The following EXPH5 variants were observed in gnomAD, a reference collection of about 807,000 sequenced individuals.
EXPH5 encodes the protein exophilin-5.
A neutral mutation model predicts 41.1 loss-of-function variants in EXPH5; 42 were observed. The ratio of observed to expected loss-of-function variants is 1.02; its 90% CI spans 0.80 to 1.32. The LOEUF is 1.32. Ranked by LOEUF, EXPH5 falls within the 40% of genes most tolerant of loss-of-function variation. The pLI is 0.00. For synonymous variants in EXPH5, 798 were observed against 833.5 expected, an observed-to-expected ratio of 0.96 and a Z score of 0.73; for missense variants, 2,298 against 2,314.5, an observed-to-expected ratio of 0.99 and a Z score of 0.15.
chr11:108,557,639 C>T (rs1393233322), intron 1 of EXPH5, among the ~76,000 whole-genome samples: 2 of 152,106 alleles, frequency 1.3e-5, no homozygotes, highest in South Asian at 2.1e-4. Flanking sequence ...CGAGCCACTG[C>T]GCCTGGCCCT....
At position 108,506,672 on chromosome 11, in the gene EXPH5, G is replaced by C. The variant is rs2093645540; in HGVS notation, c.*2865C>G. On this transcript the variant is annotated 3_prime_UTR_variant, in exon 6 of 6. Transcript: ENST00000265843. ...AAATTGCATAGAAAATGTAGGTCAT[G>C]GTTTATTAAAGTTTTACTTAAATAA... 6.6e-6 allele frequency: 1 copy of C among 152,068 alleles called. No homozygotes were observed. The highest frequency in any genetic ancestry group is 2.4e-5 in the African/African-American group (1 of 41,406). 9.4% of individuals were successfully genotyped at this position (152,068 alleles called of 1,614,324 possible). A position where few individuals can be genotyped will look rare whatever the true frequency, so the allele number is the denominator to read the frequency against.
intron 4 of EXPH5, among the ~76,000 whole-genome samples, chr11:108,523,460 G>C (rs948608618): frequency 2.0e-5 from 3 of 152,028 alleles, no homozygotes; most frequent in Admixed American, 6.6e-5. Flanking sequence ...TCTTCAGTTA[G>C]ATGGTAAACT....
intron 3 of EXPH5, among the ~76,000 whole-genome samples, chr11:108,529,978 A>C (rs189099317): frequency 6.6e-6 from 1 of 152,342 alleles, no homozygotes; most frequent in East Asian, 1.9e-4. Context: ...CAGATCAATT[A>C]AAAGTGGCAA....
chr11:108,516,498 T>C (rs1193920440), intron 5 of EXPH5, among the ~76,000 whole-genome samples: 1 of 152,126 alleles, frequency 6.6e-6, no homozygotes, highest in Non-Finnish European at 1.5e-5. Flanking sequence ...ACCCACTCTA[T>C]AATAGATATA....
intron 1 of EXPH5, among the ~76,000 whole-genome samples, 184 bp from the exon 2 acceptor site, chr11:108,541,996 G>A (rs980158826): frequency 2.2e-4 from 33 of 152,034 alleles, no homozygotes; most frequent in Admixed American, 4.6e-4. Context: ...TCCCACCTCA[G>A]CTTCCCAAGT....
chr11:108,590,589 C>T (rs966537453), intron 1 of EXPH5, among the ~76,000 whole-genome samples: 1 of 152,110 alleles, frequency 6.6e-6, no homozygotes, highest in African/African-American at 2.4e-5. Flanking sequence ...TACCCTCACA[C>T]CTATCTCAGA....
Position 108,511,715 on chromosome 11 carries a change from G to T in EXPH5, c.3792C>A (p.Phe1264Leu). The T allele has an allele frequency of 1.9e-6, 3 of 1,608,360 alleles. No individual in the cohort carries two copies. Among genetic ancestry groups the T allele is most frequent in the South Asian group, 1.1e-5 (1 of 89,572 alleles). ...YTLPRKPSKK[F>L]CNLLQQYTQN... ...GTGTATACTGTTGAAGGAGGTTACA[G>T]AATTTTTTGCTGGGTTTCCTCGGTA... The change falls in exon 6 of 6, where the codon TTC becomes TTA. Residue 1264 changes from phenylalanine (F) to leucine (L), a missense_variant. Transcript: ENST00000265843.
In EXPH5 at chr11:108,562,926, A is replaced by T. The variant is rs139198723; in HGVS notation, c.120-21114T>A. ...TTAAAGCAGTAGTCACAGGACTAGG[A>T]CTCTGACTCAGTTTTAGCTAAAGCA... On this transcript the variant is annotated intron_variant, in intron 1 of 5. Transcript: ENST00000265843. 1.1e-3 allele frequency among the ~76,000 whole-genome samples: 167 copies of T among 152,374 alleles called. 4 individuals are homozygous for T. In the South Asian group the frequency reaches 0.019, roughly 18 times the overall value.
chr11:108,594,501 C>G (rs1323999998), upstream of EXPH5, among the ~76,000 whole-genome samples: 1 of 152,186 alleles, frequency 6.6e-6, no homozygotes, highest in South Asian at 2.1e-4. Flanking sequence ...TCCTATGAAG[C>G]CACAGAAATA....
rs2093689843 is a variant in EXPH5, at chr11:108,512,531, T to C, written c.2976A>G (p.Ile992Met). 1.2e-6 allele frequency: 2 copies of C among 1,612,922 alleles called. No homozygotes were observed. Among genetic ancestry groups the C allele is most frequent in the Non-Finnish European group, 1.7e-6 (2 of 1,179,794 alleles). Residue 992 changes from isoleucine (I) to methionine (M), a missense_variant, in exon 6 of 6, where the codon ATA becomes ATG. Transcript: ENST00000265843. ...CIEKLSKTES[I>M]SVPTSDHRSL... ...TCCTGTGATCACTGGTGGGTACTGA[T>C]ATACTTTCTGTTTTGCTTAACTTTT...
chr11:108,515,614 AGAAGGTTGGTC>A (rs2093719921), intron 5 of EXPH5, among the ~76,000 whole-genome samples: 13 of 152,338 alleles, frequency 8.5e-5, no homozygotes, highest in African/African-American at 2.9e-4. Flanking sequence ...ACACAAACTT[AGAAGGTTGGTC>A]CTATTACTAT....
intron 1 of EXPH5, among the ~76,000 whole-genome samples, chr11:108,571,088 G>T (rs576016236): frequency 6.6e-6 from 1 of 152,166 alleles, no homozygotes; most frequent in South Asian, 2.1e-4. Context: ...GCCTCAGCTC[G>T]GTGGAACTGG....
intron 1 of EXPH5, among the ~76,000 whole-genome samples, chr11:108,554,451 C>G (rs955867706): frequency 1.3e-5 from 2 of 152,128 alleles, no homozygotes; most frequent in African/African-American, 4.8e-5. Context: ...TCTCCTGGAG[C>G]TTTTGTGAGG....
rs201077468 is a variant in EXPH5 at position 108,510,866 on chromosome 11, T to C, written c.4641A>G (p.Ala1547=). ...CAGCCTTCCTGCTCTCTGTCATATT[T>C]GCCTCCTGACTTCTTTGAGGTAATT... ...PRELPQRSQE[A]NMTESRKAED... is the part of the protein sequence containing the mutation. Residue 1547 remains alanine (A), a synonymous_variant, in exon 6 of 6, where the codon GCA becomes GCG. Transcript: ENST00000265843. 1.2e-6 allele frequency: 2 copies of C among 1,614,222 alleles called. No homozygotes were observed. The highest frequency in any genetic ancestry group is 1.7e-6 in the Non-Finnish European group (2 of 1,180,026).
At chr11:108,571,154 G>A (rs2136099848) in intron 1 of EXPH5, among the ~76,000 whole-genome samples, 1 of 152,292 alleles carries the variant, frequency 6.6e-6, no homozygotes, top group Admixed American at 6.5e-5. Context: ...TGGCTTTGAA[G>A]GTGGAGACAG....
chr11:108,531,715 G>C (rs1179655653), intron 3 of EXPH5, among the ~76,000 whole-genome samples: 3 of 152,122 alleles, frequency 2.0e-5, no homozygotes, highest in African/African-American at 7.2e-5. Context: ...CCAAGTGTTG[G>C]TGGGGCACAC....
intron 3 of EXPH5, chr11:108,538,061 C>G: frequency 2.0e-6 from 2 of 985,386 alleles, no homozygotes; most frequent in Non-Finnish European, 1.2e-6. Flanking sequence ...AAAACAGCCT[C>G]GGGTGAAAGC....
chr11:108,562,291 G>A lies in EXPH5; in HGVS notation c.120-20479C>T, dbSNP rs77595572. On this transcript the variant is annotated intron_variant, in intron 1 of 5. Transcript: ENST00000265843. ...TTTTTTTTTTTTTTTTTTTGTAATTGTGAAAGTAAAATTACATCAGGCCGG... is the reference window on the plus strand; with the variant it reads ...TTTTTTTTTTTTTTTTTTTGTAATTATGAAAGTAAAATTACATCAGGCCGG... 7.5e-3 allele frequency among the ~76,000 whole-genome samples: 578 copies of A among 76,664 alleles called. 5 individuals carry two copies. Among genetic ancestry groups the A allele is most frequent in the African/African-American group, 0.029 (551 of 18,984 alleles). 50.3% of individuals were successfully genotyped at this position (76,664 alleles called of 152,430 possible).
intron 1 of EXPH5, among the ~76,000 whole-genome samples, chr11:108,548,134 AAAT>A (rs1353832827): frequency 7.4e-6 from 1 of 134,846 alleles, no homozygotes; most frequent in African/African-American, 2.5e-5. Flanking sequence ...AAAAAAAAAA[AAAT>A]CAGTGTCTCA....
Sources: gnomAD v4.1 joint callset for allele counts (sites outside exome capture counted in the v4.1 genomes callset) on GRCh38, gnomAD v4.1.1 for gene constraint, MANE v1.5 for transcripts, NCBI Gene and HGNC (gene_info 2026-07-23, HGNC 2026-07-21) for gene names.